Variants in PDE4D observed in about 807,000 individuals in gnomAD.
The protein encoded by PDE4D is phosphodiesterase 4D.
PDE4D carries 24 observed loss-of-function variants against 87.4 expected under a neutral mutation model. That is an observed-to-expected ratio of 0.27 (90% CI 0.20 to 0.39). The LOEUF (loss-of-function observed/expected upper bound fraction) is 0.39, where lower values mean the gene tolerates loss of function less well. PDE4D is among the 10% of genes least tolerant of loss of function. The pLI is 1.00. For missense variants in PDE4D, 714 were observed against 1,041.0 expected (o/e 0.69, Z 4.32); for synonymous variants, 384 against 383.2 (o/e 1.00, Z -0.02).
At chr5:59,022,975 A>ACCAG (rs1755487068) in intron 6 of PDE4D, among the ~76,000 whole-genome samples, 5 of 152,192 alleles carry the variant, frequency 3.3e-5, no homozygotes. Flanking sequence ...GGAGTTCGAG[A>ACCAG]CCAGCCTGGC....
intron 1 of PDE4D, among the ~76,000 whole-genome samples, chr5:59,435,064 G>C (rs1301749968): frequency 6.6e-6 from 1 of 152,076 alleles, no homozygotes; most frequent in Non-Finnish European, 1.5e-5. Flanking sequence ...CAATTCATCT[G>C]ATTCCAGAGA....
chr5:59,335,636 A>G (rs1014944932), intron 1 of PDE4D, among the ~76,000 whole-genome samples: 1 of 152,204 alleles, frequency 6.6e-6, no homozygotes, highest in African/African-American at 2.4e-5. Flanking sequence ...CAGTACCTTC[A>G]TAAGTGTCTC....
intron 5 of PDE4D, among the ~76,000 whole-genome samples, chr5:59,102,081 C>CTTT (rs34811771): frequency 2.4e-3 from 233 of 96,116 alleles, no homozygotes; most frequent in Non-Finnish European, 3.2e-3. Context: ...TTTTTCCCTA[C>CTTT]TTTTTTTTTT....
At chr5:59,746,763 C>T (rs750270504) in intron 1 of PDE4D, among the ~76,000 whole-genome samples, 16 of 152,132 alleles carry the variant, frequency 1.1e-4, no homozygotes, top group South Asian at 2.1e-4. Flanking sequence ...GGCTGCCCAC[C>T]GAGAATACGG....
At chr5:59,815,774 A>T (rs1043239144) in intron 1 of PDE4D, among the ~76,000 whole-genome samples, 5 of 152,238 alleles carry the variant, frequency 3.3e-5, no homozygotes, top group African/African-American at 1.2e-4. Context: ...GAGGAACACA[A>T]ATACATAGAT....
intron 1 of PDE4D, among the ~76,000 whole-genome samples, chr5:60,226,146 A>G (rs1745071204): frequency 6.6e-6 from 1 of 152,130 alleles, no homozygotes; most frequent in East Asian, 1.9e-4. Flanking sequence ...TTAATAAATC[A>G]AAGTATTTGG....
intron 1 of PDE4D, among the ~76,000 whole-genome samples, chr5:59,794,762 T>C (rs931580712): frequency 6.6e-6 from 1 of 152,174 alleles, no homozygotes; most frequent in Non-Finnish European, 1.5e-5. Context: ...AGTGAATTAA[T>C]GATGAATTGT....
At chr5:60,213,222 T>C (rs1047008438) in intron 1 of PDE4D, among the ~76,000 whole-genome samples, 3 of 152,214 alleles carry the variant, frequency 2.0e-5, no homozygotes, top group African/African-American at 7.2e-5. Context: ...TCATGTGCTC[T>C]AGTGAGACAG....
At chr5:60,159,100 T>G (rs1291326629) in intron 2 of PDE4D, among the ~76,000 whole-genome samples, 1 of 152,186 alleles carries the variant, frequency 6.6e-6, no homozygotes, top group Non-Finnish European at 1.5e-5. Context: ...TTAAACTTTT[T>G]TGTTAAAAAC....
At chr5:60,393,490 C>A (rs1453504821) in intron 1 of PDE4D, among the ~76,000 whole-genome samples, 1 of 152,032 alleles carries the variant, frequency 6.6e-6, no homozygotes, top group Admixed American at 6.6e-5. Flanking sequence ...CTATAAGTAG[C>A]CTACTACAAA....
intron 5 of PDE4D, among the ~76,000 whole-genome samples, chr5:59,147,872 G>A (rs1778899018): frequency 6.6e-6 from 1 of 152,102 alleles, no homozygotes; most frequent in Admixed American, 6.5e-5. Context: ...CATTTGTAGA[G>A]TTTTTACTTA....
At chr5:59,444,879 C>A (rs1283012856) in intron 1 of PDE4D, among the ~76,000 whole-genome samples, 1 of 152,142 alleles carries the variant, frequency 6.6e-6, no homozygotes, top group Non-Finnish European at 1.5e-5. Flanking sequence ...CTATCTCCTT[C>A]AGATGGGGCA....
chr5:60,073,139 G>C (rs974907004), intron 2 of PDE4D, among the ~76,000 whole-genome samples: 1 of 152,094 alleles, frequency 6.6e-6, no homozygotes, highest in Non-Finnish European at 1.5e-5. Context: ...TATGATGTTG[G>C]CTGTGGATTT....
At chr5:60,470,686 T>C (rs1239503855) in intron 1 of PDE4D, among the ~76,000 whole-genome samples, 2 of 152,176 alleles carry the variant, frequency 1.3e-5, no homozygotes, top group Non-Finnish European at 2.9e-5. Flanking sequence ...ACTCTGCCTG[T>C]GCTCCATAAA....
intron 2 of PDE4D, among the ~76,000 whole-genome samples, chr5:60,140,023 C>T (rs1485014491): frequency 1.3e-5 from 2 of 151,858 alleles, no homozygotes; most frequent in East Asian, 3.9e-4. Context: ...ATCATTTCAT[C>T]CATTTTTGTC....
intron 1 of PDE4D, among the ~76,000 whole-genome samples, chr5:59,365,886 G>T (rs1165368302): frequency 1.3e-5 from 2 of 151,926 alleles, no homozygotes; most frequent in African/African-American, 4.8e-5. Context: ...TACACATAAA[G>T]AAAAAAATAA....
At chr5:59,583,295 C>A (rs1176894100) in intron 1 of PDE4D, among the ~76,000 whole-genome samples, 1 of 152,182 alleles carries the variant, frequency 6.6e-6, no homozygotes, top group Non-Finnish European at 1.5e-5. Flanking sequence ...TCTAAAGGTC[C>A]TCTTAACTGC....
intron 1 of PDE4D, among the ~76,000 whole-genome samples, chr5:60,345,808 G>C (rs1176869259): frequency 6.6e-6 from 1 of 151,924 alleles, no homozygotes; most frequent in Non-Finnish European, 1.5e-5. Context: ...TCCTAAAATA[G>C]GATAAATTTC....
chr5:59,294,339 G>A (rs1461478033), intron 1 of PDE4D, among the ~76,000 whole-genome samples: 1 of 152,144 alleles, frequency 6.6e-6, no homozygotes, highest in African/African-American at 2.4e-5. Flanking sequence ...ACCACAGCAT[G>A]AATTGTGCTT....
Sources: allele counts gnomAD v4.1 joint callset (sites outside exome capture counted in the v4.1 genomes callset), GRCh38; gene constraint gnomAD v4.1.1; transcripts MANE v1.5; gene names NCBI Gene and HGNC (gene_info 2026-07-23, HGNC 2026-07-21).